Variants in WDR33 observed in about 807,000 individuals in gnomAD.
The protein encoded by WDR33 is WD repeat domain 33.
Under a neutral mutation model 164.9 loss-of-function variants are expected in WDR33, and 47 were observed. The ratio of observed to expected loss-of-function variants is 0.29; its 90% confidence interval spans 0.23 to 0.36. The LOEUF (loss-of-function observed/expected upper bound fraction) is 0.36. Among genes scored for constraint, WDR33 ranks in the 10% least tolerant of loss-of-function variants. The probability of loss-of-function intolerance (pLI) is 1.00; values close to 1 mark genes in which losing one functional copy is unlikely to be tolerated. For missense variants in WDR33, 1,137 were observed against 1,754.1 expected (o/e 0.65, Z 6.28); for synonymous variants, 505 against 589.0 (o/e 0.86, Z 2.06).
intron 7 of WDR33, among the ~76,000 whole-genome samples, chr2:127,755,001 A>G (rs1272858693): frequency 6.6e-6 from 1 of 152,156 alleles, no homozygotes; most frequent in East Asian, 1.9e-4. Context: ...CTGAACATCT[A>G]TTAAGTATTC....
At chr2:127,780,052 C>T (rs1179552816) in intron 1 of WDR33, among the ~76,000 whole-genome samples, 1 of 150,602 alleles carries the variant, frequency 6.6e-6, no homozygotes, top group Non-Finnish European at 1.5e-5. Flanking sequence ...CGGCTCACTG[C>T]AAGCTCCGCC....
chr2:127,724,462 G>C lies in WDR33; in HGVS notation c.1086-19C>G, dbSNP rs774930775. On this transcript the variant is annotated intron_variant, in intron 10 of 21. Coordinates refer to ENST00000322313, the MANE Select transcript of WDR33 (RefSeq NM_018383.5). The surrounding 1 kb of genome is among the most constrained non-coding windows in gnomAD (Gnocchi z 4.8). ...CTCTACCCTGCAACAGCACCAAAGA[G>C]AGAAGATTTGTTCACAAAAGTTACC... 1.9e-6 allele frequency: 3 copies of C among 1,606,380 alleles called. No individual in the cohort carries two copies. Among genetic ancestry groups the C allele is most frequent in the South Asian group, 2.2e-5 (2 of 90,410 alleles).
rs1485330048 is a variant in WDR33 at position 127,724,966 on chromosome 2, C to A, written c.1007-1G>T. ...TCATGAACAGGATGCCAGGCCACAGCTGCAGAACAAAAACATGGGAAAAGA... is the reference window on the plus strand; with the variant it reads ...TCATGAACAGGATGCCAGGCCACAGATGCAGAACAAAAACATGGGAAAAGA... On this transcript the variant is annotated splice_acceptor_variant, in intron 9 of 21. Transcript: ENST00000322313. LOFTEE classifies it high-confidence loss of function. This position sits in a 1 kb window ranked among gnomAD's most constrained non-coding sequence, Gnocchi z 4.8. 6.2e-7 allele frequency: 1 copy of A among 1,614,072 alleles called. No individual in the cohort carries two copies. Among genetic ancestry groups the A allele is most frequent in the Non-Finnish European group, 8.5e-7 (1 of 1,180,036 alleles).
At chr2:127,773,440 G>A (rs933205353) in intron 1 of WDR33, among the ~76,000 whole-genome samples, 3 of 151,842 alleles carry the variant, frequency 2.0e-5, no homozygotes, top group Non-Finnish European at 4.4e-5. Flanking sequence ...AGGGGTGGAG[G>A]GAAAAGAAAT....
chr2:127,809,212 T>C (rs142810228), intron 1 of WDR33, among the ~76,000 whole-genome samples: 1 of 152,112 alleles, frequency 6.6e-6, no homozygotes, highest in African/African-American at 2.4e-5. Flanking sequence ...ATGGGAAAAG[T>C]ATATGAACTT....
In WDR33 at chr2:127,722,047, T is replaced by C; in HGVS notation, c.1519-59A>G. 11 of 1,568,574 alleles carry C rather than the reference T, an allele frequency of 7.0e-6. No individual in the cohort carries two copies. Among genetic ancestry groups the C allele is most frequent in the Non-Finnish European group, 9.5e-6 (11 of 1,157,694 alleles). On this transcript the variant is annotated intron_variant, in intron 14 of 21. Coordinates refer to ENST00000322313, the MANE Select transcript of WDR33 (RefSeq NM_018383.5). The surrounding 1 kb of genome is among the most constrained non-coding windows in gnomAD (Gnocchi z 5.1). ...AAGTATGAAAATTACAATGATAGAA[T>C]GAGAAAACCACTCTACAATGTCATC...
In WDR33 at chr2:127,770,901, A is replaced by G; in HGVS notation, c.81T>C (p.Tyr27=). 1.9e-6 allele frequency: 3 copies of G among 1,614,102 alleles called. No homozygotes were observed. Among genetic ancestry groups the G allele is most frequent in the Non-Finnish European group, 2.5e-6 (3 of 1,180,022 alleles). Residue 27 remains tyrosine, a synonymous_variant, in exon 2 of 22, where the codon TAT becomes TAC. Coordinates refer to ENST00000322313, the MANE Select transcript of WDR33 (RefSeq NM_018383.5). This position sits in a 1 kb window ranked among gnomAD's most constrained non-coding sequence, Gnocchi z 4.9. ...GCTGTTGTGCAAAATCAGGTCGCTT[A>G]TAAAACAGCTGTCGAGGTGCCTGGT... The part of the protein sequence containing the change: ...FQHQAPRQLF[Y]KRPDFAQQQA...
intron 7 of WDR33, among the ~76,000 whole-genome samples, chr2:127,743,449 G>A (rs752832313): frequency 6.6e-6 from 1 of 152,020 alleles, no homozygotes; most frequent in Non-Finnish European, 1.5e-5. Context: ...CACTCTTTCT[G>A]CAAGGCCCCA....
chr2:127,786,023 G>A (rs2105468530), intron 1 of WDR33, among the ~76,000 whole-genome samples: 1 of 152,286 alleles, frequency 6.6e-6, no homozygotes, highest in Non-Finnish European at 1.5e-5. Flanking sequence ...AAGGTCTGTA[G>A]TATTATCTCA....
rs1175464547 is a variant in WDR33 at position 127,704,360 on chromosome 2, T to A, written c.*1963A>T. 1 of 167,040 alleles carries A rather than the reference T, an allele frequency of 6.0e-6. No individual in the cohort carries two copies. The highest frequency in any genetic ancestry group is 1.5e-5 in the Non-Finnish European group (1 of 68,110). The allele number at this position is 167,040 out of a possible 1,614,324, so 10.3% of individuals were successfully genotyped here. ...TGATCTGGTTATCTGCTTACTGAGA[T>A]ACTATGTTTCTAAAGTTAAAGCCCA... On this transcript the variant is annotated 3_prime_UTR_variant, in exon 22 of 22. Transcript: ENST00000322313.
rs1310192678 is a variant in WDR33 at position 127,717,546 on chromosome 2, A to C, written c.2761-283T>G. ...AATGGAAAGTCAGAAATTCTAACACAGCAGCACTAAATTAAACCAATTAAA... is the reference window on the plus strand; with the variant it reads ...AATGGAAAGTCAGAAATTCTAACACCGCAGCACTAAATTAAACCAATTAAA... On this transcript the variant is annotated intron_variant, in intron 16 of 21. Transcript: ENST00000322313. The surrounding 1 kb of genome is among the most constrained non-coding windows in gnomAD (Gnocchi z 5.6). 6.6e-6 allele frequency among the ~76,000 whole-genome samples: 1 copy of C among 152,256 alleles called. No individual in the cohort carries two copies. Among genetic ancestry groups the C allele is most frequent in the African/African-American group, 2.4e-5 (1 of 41,472 alleles).
chr2:127,790,844 T>A (rs953793594), intron 1 of WDR33, among the ~76,000 whole-genome samples: 1 of 152,198 alleles, frequency 6.6e-6, no homozygotes, highest in Non-Finnish European at 1.5e-5. Context: ...AGTTTTAGTT[T>A]GTGTCTTTGA....
rs551452439 is a variant in WDR33 at position 127,735,699 on chromosome 2, T to C, written c.725-8922A>G. On this transcript the variant is annotated intron_variant, in intron 7 of 21. Coordinates refer to ENST00000322313, the MANE Select transcript of WDR33 (RefSeq NM_018383.5). The surrounding 1 kb of genome is among the most constrained non-coding windows in gnomAD (Gnocchi z 4.3). ...AAGACAAAGGGTATATGAGTACCCA[T>C]GGCCCATAGCCAGATACTCCAGTTG... is the stretch of plus-strand genomic sequence containing the variant. The C allele has an allele frequency of 6.1e-6, 6 of 985,610 alleles. No homozygotes were observed. The highest frequency in any genetic ancestry group is 7.2e-6 in the Non-Finnish European group (6 of 829,942). 61.1% of individuals were successfully genotyped at this position (985,610 alleles called of 1,614,324 possible).
intron 7 of WDR33, chr2:127,736,017 A>C (rs1686830087): frequency 2.0e-6 from 2 of 985,368 alleles, no homozygotes; most frequent in Non-Finnish European, 2.4e-6. Flanking sequence ...AGTGCATAGA[A>C]TCATGGGTGA....
chr2:127,780,340 G>A (rs1453404108), intron 1 of WDR33, among the ~76,000 whole-genome samples: 1 of 152,096 alleles, frequency 6.6e-6, no homozygotes, highest in Non-Finnish European at 1.5e-5. Flanking sequence ...TTTATGTATA[G>A]TCCACTAGGT....
chr2:127,731,322 A>G (rs1456119454), intron 7 of WDR33, among the ~76,000 whole-genome samples: 1 of 149,580 alleles, frequency 6.7e-6, no homozygotes, highest in Non-Finnish European at 1.5e-5. Context: ...AAAAAAACAC[A>G]GAAAAGCAAA....
At position 127,720,605 on chromosome 2, in the gene WDR33, C is replaced by G. The variant is rs889646658; in HGVS notation, c.1672-252G>C. Among the ~76,000 whole-genome samples the G allele has an allele frequency of 2.0e-5, 3 of 151,872 alleles. No individual in the cohort carries two copies. Among genetic ancestry groups the G allele is most frequent in the African/African-American group, 7.3e-5 (3 of 41,336 alleles). Reference sequence around the variant, plus strand: ...TTTTCCTTATTTTTTTTTTCTGTCCCCCAAGCTGGAATGCAGTGGTACGAT... The same window carrying G: ...TTTTCCTTATTTTTTTTTTCTGTCCGCCAAGCTGGAATGCAGTGGTACGAT... On this transcript the variant is annotated intron_variant, in intron 15 of 21. Transcript: ENST00000322313. This position sits in a 1 kb window ranked among gnomAD's most constrained non-coding sequence, Gnocchi z 5.9.
At chr2:127,732,832 T>A (rs1014746201) in intron 7 of WDR33, among the ~76,000 whole-genome samples, 4 of 152,132 alleles carry the variant, frequency 2.6e-5, no homozygotes, top group African/African-American at 9.7e-5. Flanking sequence ...TATTATTTCA[T>A]AGAAAAAAAT....
At position 127,706,644 on chromosome 2, in the gene WDR33, G is replaced by A. The variant is rs1686023044; in HGVS notation, c.3782-92C>T. ...CAAACTTTACTCTCTGATGACAATG[G>A]ACCAGTTCTGGTGGGTGCCAGGGAG... On this transcript the variant is annotated intron_variant, in intron 21 of 21. Coordinates refer to ENST00000322313, the MANE Select transcript of WDR33 (RefSeq NM_018383.5). This position sits in a 1 kb window ranked among gnomAD's most constrained non-coding sequence, Gnocchi z 5.1. The A allele has an allele frequency of 2.5e-6, 3 of 1,196,106 alleles. No homozygotes were observed. 74.1% of individuals were successfully genotyped at this position (1,196,106 alleles called of 1,614,324 possible). A position where few individuals can be genotyped will look rare whatever the true frequency, so the allele number is the denominator to read the frequency against.
Sources: allele counts gnomAD v4.1 joint callset (sites outside exome capture counted in the v4.1 genomes callset), GRCh38; gene constraint gnomAD v4.1.1; non-coding constraint Gnocchi (gnomAD v3.1); transcripts MANE v1.5; gene names NCBI Gene and HGNC (gene_info 2026-07-23, HGNC 2026-07-21).